ANKRD27: variants seen among roughly 807,000 people sequenced by gnomAD.
The protein encoded by ANKRD27 is ankyrin repeat domain-containing protein 27.
Under a neutral mutation model 129.7 loss-of-function variants are expected in ANKRD27, and 112 were observed. That is an observed-to-expected ratio of 0.86 (90% CI 0.74 to 1.01). ANKRD27 has a LOEUF of 1.01. ANKRD27 is among the 50% of genes least tolerant of loss of function. The pLI is 0.00. For synonymous variants in ANKRD27, 516 were observed against 511.2 expected, an observed-to-expected ratio of 1.01 and a Z score of -0.13; for missense variants, 1,258 against 1,300.5, an observed-to-expected ratio of 0.97 and a Z score of 0.50.
At chr19:32,658,672 A>C (rs1967589517) in intron 2 of ANKRD27, among the ~76,000 whole-genome samples, 1 of 152,178 alleles carries the variant, frequency 6.6e-6, no homozygotes, top group Non-Finnish European at 1.5e-5. Context: ...GAAAGGGCAC[A>C]GTTAGCCACA....
At chr19:32,637,944 G>C (rs1967122950) in intron 12 of ANKRD27, 2 of 152,522 alleles carry the variant, frequency 1.3e-5, no homozygotes, top group South Asian at 2.1e-4. Context: ...ATGAGCATGG[G>C]AGAGTAGTCA....
chr19:32,669,912 C>T (rs1449189981), intron 1 of ANKRD27, among the ~76,000 whole-genome samples: 2 of 150,966 alleles, frequency 1.3e-5, no homozygotes, highest in East Asian at 2.0e-4. Flanking sequence ...AGAAGAATTG[C>T]TTGAACCTAA....
Position 32,597,955 on chromosome 19 carries a change from G to A in ANKRD27, c.*190C>T. On this transcript the variant is annotated 3_prime_UTR_variant, in exon 29 of 29. Transcript: ENST00000306065. ...TTGTATTCATTAGCTTTGAAGAGGA[G>A]AGAGATGGTGGTGGTTAACTTTTTT... 1.7e-6 allele frequency: 1 copy of A among 600,552 alleles called. No homozygotes were observed. The highest frequency in any genetic ancestry group is 3.0e-6 in the Non-Finnish European group (1 of 337,062). 37.2% of individuals were successfully genotyped at this position (600,552 alleles called of 1,614,324 possible).
chr19:32,674,807 G>A (rs536854292), intron 1 of ANKRD27, among the ~76,000 whole-genome samples: 59 of 152,086 alleles, frequency 3.9e-4, no homozygotes, highest in African/African-American at 1.3e-3. Context: ...AGGCTCGGAG[G>A]GTGCATTCTC....
chr19:32,613,390 G>A (rs1042398117), intron 22 of ANKRD27, among the ~76,000 whole-genome samples: 4 of 152,156 alleles, frequency 2.6e-5, no homozygotes, highest in Admixed American at 6.6e-5. Flanking sequence ...AATGAACCAT[G>A]GAATTGCCAT....
chr19:32,649,727 G>A lies in ANKRD27; in HGVS notation c.168C>T (p.Tyr56=). 6.2e-7 allele frequency: 1 copy of A among 1,614,024 alleles called. No homozygotes were observed. The highest frequency in any genetic ancestry group is 8.5e-7 in the Non-Finnish European group (1 of 1,179,958). Residue 56 remains tyrosine (Y), a synonymous_variant, in exon 3 of 29, where the codon TAC becomes TAT. Coordinates refer to ENST00000306065, the MANE Select transcript of ANKRD27 (RefSeq NM_032139.3). ...AATGCTCTTCCACAGGTATCAAAAT[G>A]TAGGACTCAAACTGACAAGTAGACT... ...SIQSTCQFES[Y]ILIPVEEHFQ...
chr19:32,649,817 A>C, intron 2 of ANKRD27, 25 bp from the exon 3 acceptor site: 2 of 1,475,656 alleles, frequency 1.4e-6, no homozygotes, highest in Non-Finnish European at 1.9e-6. Context: ...TCGGGGCAAC[A>C]TTAGACAGAC....
chr19:32,666,733 C>CA (rs1967766027), intron 1 of ANKRD27, among the ~76,000 whole-genome samples: 1 of 151,356 alleles, frequency 6.6e-6, no homozygotes, highest in African/African-American at 2.4e-5. Flanking sequence ...CAACCTCCAC[C>CA]CCTGTGATCA....
chr19:32,642,449 C>T (rs1425374736), intron 9 of ANKRD27, among the ~76,000 whole-genome samples: 1 of 152,018 alleles, frequency 6.6e-6, no homozygotes, highest in Non-Finnish European at 1.5e-5. Flanking sequence ...CCTAATGAAA[C>T]TTAAATTAGG....
chr19:32,643,183 T>C lies in ANKRD27; in HGVS notation c.722A>G (p.Lys241Arg). 1 of 1,614,148 alleles carries C rather than the reference T, an allele frequency of 6.2e-7. No individual in the cohort carries two copies. The highest frequency in any genetic ancestry group is 8.5e-7 in the Non-Finnish European group (1 of 1,180,040). The change falls in exon 9 of 29, where the codon AAA becomes AGA. Residue 241 changes from lysine to arginine, a missense_variant. By Grantham distance (26) the Lys-to-Arg change is conservative (BLOSUM62 2). Transcript: ENST00000306065. ...MEASEDAAFN[K>R]ITRSLQDLQQ... ...AAGATCTTGAAGGCTTCTTGTGATT[T>C]TGTTAAAGGCCGCATCCTAACAACA... is the stretch of plus-strand genomic sequence containing the variant.
chr19:32,600,128 A>C, intron 26 of ANKRD27, 78 bp from the exon 27 acceptor site: 1 of 1,086,494 alleles, frequency 9.2e-7, no homozygotes, highest in Non-Finnish European at 1.4e-6. Flanking sequence ...CACAGACACA[A>C]TCTTTCTATT....
intron 23 of ANKRD27, among the ~76,000 whole-genome samples, chr19:32,606,939 CAAAAAAAAAAAAAAAAAA>C (rs532062312): frequency 0.07 from 4,589 of 65,758 alleles, 165 homozygotes; most frequent in East Asian, 0.21. Flanking sequence ...CCCATCTCCA[CAAAAAAAAAAAAAAAAAA>C]AAAAAAAAAA....
At position 32,642,148 on chromosome 19, in the gene ANKRD27, G is replaced by A. The variant is rs371918819; in HGVS notation, c.783-3C>T. ...TTTTGGCACGAGGTATGTTAAAGCT[G>A]TAAAATAATTTGGAAAGTGACAACT... is the stretch of plus-strand genomic sequence containing the variant. On this transcript the variant is annotated splice_region_variant and splice_polypyrimidine_tract_variant and intron_variant, in intron 9 of 28. Coordinates refer to ENST00000306065, the MANE Select transcript of ANKRD27 (RefSeq NM_032139.3). 1 of 1,580,442 alleles carries A rather than the reference G, an allele frequency of 6.3e-7. No homozygotes were observed. Among genetic ancestry groups the A allele is most frequent in the Non-Finnish European group, 8.6e-7 (1 of 1,158,758 alleles).
At chr19:32,659,374 AC>A (rs1258843014) in intron 1 of ANKRD27, among the ~76,000 whole-genome samples, 1 of 152,022 alleles carries the variant, frequency 6.6e-6, no homozygotes, top group Non-Finnish European at 1.5e-5. Context: ...GAGCTGTCAC[AC>A]CCGACCTGCA....
At chr19:32,664,221 T>A (rs1056952532) in intron 1 of ANKRD27, among the ~76,000 whole-genome samples, 6 of 152,024 alleles carry the variant, frequency 3.9e-5, no homozygotes, top group Non-Finnish European at 7.4e-5. Context: ...AGGCACAATC[T>A]CAGCTCACCA....
intron 12 of ANKRD27, among the ~76,000 whole-genome samples, chr19:32,634,226 C>CA (rs2145291013): frequency 6.6e-6 from 1 of 152,310 alleles, no homozygotes; most frequent in East Asian, 1.9e-4. Flanking sequence ...CAATACATAG[C>CA]AATGACTCTC....
chr19:32,650,693 A>G (rs1294092453), intron 2 of ANKRD27, among the ~76,000 whole-genome samples: 4 of 151,788 alleles, frequency 2.6e-5, no homozygotes, highest in East Asian at 3.9e-4. Flanking sequence ...AAAAAAAAAA[A>G]AAAAAGAACA....
At chr19:32,665,204 A>G (rs915802596) in intron 1 of ANKRD27, among the ~76,000 whole-genome samples, 1 of 152,100 alleles carries the variant, frequency 6.6e-6, no homozygotes, top group African/African-American at 2.4e-5. Context: ...CTTGTCCTTT[A>G]CAATATCAAA....
At chr19:32,605,326 C>A (rs1971715391) in intron 24 of ANKRD27, among the ~76,000 whole-genome samples, 1 of 152,072 alleles carries the variant, frequency 6.6e-6, no homozygotes, top group Non-Finnish European at 1.5e-5. Flanking sequence ...TGTGAGGGTG[C>A]CATTGCATTC....
Sources: gnomAD v4.1 joint callset for allele counts (sites outside exome capture counted in the v4.1 genomes callset) on GRCh38, gnomAD v4.1.1 for gene constraint, MANE v1.5 for transcripts, NCBI Gene and HGNC (gene_info 2026-07-23, HGNC 2026-07-21) for gene names.